NT5E: variants seen among roughly 807,000 people sequenced by gnomAD.
The protein encoded by NT5E is 5'-nucleotidase.
A neutral mutation model predicts 55.1 loss-of-function variants in NT5E; 53 were observed. The ratio of observed to expected loss-of-function variants is 0.96; its 90% CI spans 0.77 to 1.21. NT5E has a LOEUF of 1.21. Ranked by LOEUF, NT5E falls within the 50% of genes most tolerant of loss-of-function variation. The pLI is 0.00. For synonymous variants in NT5E, 270 were observed against 278.4 expected (o/e 0.97, Z 0.30); for missense variants, 683 against 724.3 (o/e 0.94, Z 0.65).
intron 3 of NT5E, among the ~76,000 whole-genome samples, chr6:85,475,846 C>G (rs1769423900): frequency 6.6e-6 from 1 of 152,124 alleles, no homozygotes; most frequent in Non-Finnish European, 1.5e-5. Context: ...TCTGTCATCC[C>G]TCCCATTCTA....
chr6:85,472,255 C>T (rs773656258), intron 3 of NT5E, among the ~76,000 whole-genome samples: 1 of 152,186 alleles, frequency 6.6e-6, no homozygotes, highest in Non-Finnish European at 1.5e-5. Flanking sequence ...TGAAGAGGCT[C>T]CTGCTTCTAC....
At chr6:85,453,314 G>A (rs1236399561) in intron 1 of NT5E, among the ~76,000 whole-genome samples, 1 of 152,158 alleles carries the variant, frequency 6.6e-6, no homozygotes, top group Non-Finnish European at 1.5e-5. Flanking sequence ...GGTTTTGTGA[G>A]GAATACATGA....
intron 1 of NT5E, among the ~76,000 whole-genome samples, chr6:85,463,353 G>A (rs1280609171): frequency 6.6e-6 from 1 of 152,110 alleles, no homozygotes; most frequent in Non-Finnish European, 1.5e-5. Context: ...TGAAATGTTT[G>A]GAAAGCAACA....
At position 85,495,753 on chromosome 6, in the gene NT5E, A is replaced by G. The variant is rs974962876; in HGVS notation, c.*1749A>G. On this transcript the variant is annotated 3_prime_UTR_variant, in exon 9 of 9. Transcript: ENST00000257770. ...TGACTTTGAACCACTTTGCAATTGTAGATTCCCAACAATAAAATTGAAGAT... is the reference window on the plus strand; with the variant it reads ...TGACTTTGAACCACTTTGCAATTGTGGATTCCCAACAATAAAATTGAAGAT... 3 of 152,168 alleles carry G rather than the reference A, an allele frequency of 2.0e-5. No homozygotes were observed. Among genetic ancestry groups the G allele is most frequent in the African/African-American group, 7.2e-5 (3 of 41,448 alleles). The allele number at this position is 152,168 out of a possible 1,614,324, so 9.4% of individuals were successfully genotyped here.
intron 4 of NT5E, among the ~76,000 whole-genome samples, chr6:85,486,608 G>A (rs910988229): frequency 5.9e-5 from 9 of 152,088 alleles, no homozygotes; most frequent in African/African-American, 2.2e-4. Flanking sequence ...CTGACTGCAC[G>A]TCCATTTGTA....
intron 7 of NT5E, 139 bp from the exon 8 acceptor site, chr6:85,491,838 T>C (rs1332349590): frequency 3.2e-5 from 24 of 755,124 alleles, no homozygotes; most frequent in Non-Finnish European, 5.4e-5. Context: ...GTCACAATTC[T>C]CTTGACAAAA....
chr6:85,467,120 G>T lies in NT5E; in HGVS notation c.400G>T (p.Glu134Ter), dbSNP rs200207416. The T allele has an allele frequency of 6.2e-7, 1 of 1,614,158 alleles. No homozygotes were observed. The highest frequency in any genetic ancestry group is 8.5e-7 in the Non-Finnish European group (1 of 1,180,026). ...AGGACTGATCGAGCCACTCCTCAAA[G>T]AGGCCAAATTTCCAATTCTGAGTGC... is the stretch of plus-strand genomic sequence containing the variant. ...VEGLIEPLLK[E>*]AKFPILSANI... Residue 134 changes from glutamate to a stop codon, truncating the protein, a stop_gained, in exon 2 of 9, where the codon GAG (glutamate) becomes TAG (stop). Coordinates refer to ENST00000257770, the MANE Select transcript of NT5E (RefSeq NM_002526.4). LOFTEE classifies it high-confidence loss of function.
At chr6:85,480,798 T>A (rs114664523) in intron 3 of NT5E, among the ~76,000 whole-genome samples, 63 of 151,702 alleles carry the variant, frequency 4.2e-4, no homozygotes, top group African/African-American at 1.4e-3. Context: ...ACAAACAAAC[T>A]ATTGATTTAA....
At chr6:85,474,439 T>C (rs1341917804) in intron 3 of NT5E, among the ~76,000 whole-genome samples, 1 of 152,200 alleles carries the variant, frequency 6.6e-6, no homozygotes, top group Non-Finnish European at 1.5e-5. Flanking sequence ...AAGGACTGGA[T>C]GAAAGAAAGA....
intron 3 of NT5E, among the ~76,000 whole-genome samples, chr6:85,472,321 A>C (rs1769331133): frequency 1.3e-5 from 2 of 152,244 alleles, no homozygotes; most frequent in African/African-American, 4.8e-5. Flanking sequence ...GAAACTCAAA[A>C]TACCCCAAAC....
At chr6:85,471,535 ATATTATATGATC>A in intron 3 of NT5E, 110 bp downstream of exon 3, 1 of 700,118 alleles carries the variant, frequency 1.4e-6, no homozygotes, top group Non-Finnish European at 2.3e-6. Flanking sequence ...TATGTAATGT[ATATTATATGATC>A]TATAATATAT....
At chr6:85,463,514 G>A (rs1374446555) in intron 1 of NT5E, among the ~76,000 whole-genome samples, 1 of 152,140 alleles carries the variant, frequency 6.6e-6, no homozygotes, top group Non-Finnish European at 1.5e-5. Flanking sequence ...TACAAAAAAT[G>A]TACAGGAACA....
At chr6:85,478,026 CAAA>C (rs11433942) in intron 3 of NT5E, among the ~76,000 whole-genome samples, 9 of 101,958 alleles carry the variant, frequency 8.8e-5, no homozygotes, top group Non-Finnish European at 1.1e-4. Context: ...GACCTTGTCT[CAAA>C]AAAAAAAAAA....
intron 1 of NT5E, among the ~76,000 whole-genome samples, chr6:85,466,808 A>T (rs1202512199): frequency 6.6e-6 from 1 of 152,158 alleles, no homozygotes; most frequent in African/African-American, 2.4e-5. Context: ...AGATGGTGGG[A>T]CAGTGGACCC....
intron 7 of NT5E, 88 bp from the exon 8 acceptor site, chr6:85,491,888 AT>A: frequency 8.8e-7 from 1 of 1,137,014 alleles, no homozygotes. Flanking sequence ...CCACAGCCCC[AT>A]GCCCCAATTG....
intron 4 of NT5E, among the ~76,000 whole-genome samples, chr6:85,486,441 G>C (rs1050829967): frequency 6.6e-6 from 1 of 152,126 alleles, no homozygotes; most frequent in Admixed American, 6.5e-5. Flanking sequence ...CTAGAAGAGC[G>C]GCGGCAAGAT....
chr6:85,490,470 G>C (rs1326303846), intron 6 of NT5E, 38 bp from the exon 7 acceptor site: 3 of 1,613,456 alleles, frequency 1.9e-6, no homozygotes. Flanking sequence ...ATTTTCTCAA[G>C]CTATTTTCCT....
rs754685376 is a variant in NT5E, at chr6:85,471,258, A to G, written c.584A>G (p.Asp195Gly). The change falls in exon 3 of 9, where the codon GAT becomes GGT. Residue 195 changes from aspartate (D) to glycine (G), a missense_variant. By Grantham distance (94) the Asp-to-Gly change is moderately conservative (BLOSUM62 -1). Coordinates refer to ENST00000257770, the MANE Select transcript of NT5E (RefSeq NM_002526.4). ...SNPGTNLVFE[D>G]EITALQPEVD... is the part of the protein sequence containing the mutation. ...TTAGGGACAAATTTAGTGTTTGAAGATGAAATCACTGCATTACAACCTGAA... is the reference window on the plus strand; with the variant it reads ...TTAGGGACAAATTTAGTGTTTGAAGGTGAAATCACTGCATTACAACCTGAA... The G allele has an allele frequency of 2.2e-5, 36 of 1,608,574 alleles. No individual in the cohort carries two copies. Among genetic ancestry groups the G allele is most frequent in the Non-Finnish European group, 3.0e-5 (35 of 1,176,810 alleles).
intron 1 of NT5E, among the ~76,000 whole-genome samples, chr6:85,463,701 T>C (rs1471275867): frequency 6.6e-6 from 1 of 152,202 alleles, no homozygotes; most frequent in African/African-American, 2.4e-5. Flanking sequence ...ACTAGATCAA[T>C]GCATTTACAA....
Sources: allele counts gnomAD v4.1 joint callset (sites outside exome capture counted in the v4.1 genomes callset), GRCh38; gene constraint gnomAD v4.1.1; transcripts MANE v1.5; gene names NCBI Gene and HGNC (gene_info 2026-07-23, HGNC 2026-07-21).